The following DCAF15 variants were observed in gnomAD, a reference collection of about 807,000 sequenced individuals.
DCAF15 encodes DDB1- and CUL4-associated factor 15.
A neutral mutation model predicts 68.0 loss-of-function variants in DCAF15; 24 were observed. That is an observed-to-expected ratio of 0.35 (90% CI 0.26 to 0.50). The LOEUF (loss-of-function observed/expected upper bound fraction) is 0.50. DCAF15 is among the 20% of genes least tolerant of loss of function. The pLI is 0.98. For synonymous variants in DCAF15, 376 were observed against 341.6 expected (o/e 1.10, Z -1.11); for missense variants, 627 against 830.6 (o/e 0.75, Z 3.01).
chr19:13,953,019 C>G (rs1973148820), intron 1 of DCAF15: 2 of 1,338,374 alleles, frequency 1.5e-6, no homozygotes, highest in Non-Finnish European at 2.1e-6. Context: ...ACCTTCCCGC[C>G]CCCTTTGCAG....
At chr19:13,958,984 G>A in intron 6 of DCAF15, 61 bp from the exon 7 acceptor site, 1 of 1,523,824 alleles carries the variant, frequency 6.6e-7, no homozygotes, top group Non-Finnish European at 8.8e-7. Context: ...AACCCCTGGG[G>A]ACACTGAGCG....
intron 3 of DCAF15, among the ~76,000 whole-genome samples, chr19:13,955,016 G>A (rs1471257903): frequency 6.6e-6 from 1 of 152,202 alleles, no homozygotes; most frequent in Non-Finnish European, 1.5e-5. Flanking sequence ...TGAGGCAGGA[G>A]GATCACCTGA....
At chr19:13,958,888 A>G (rs1435921368) in intron 6 of DCAF15, among the ~76,000 whole-genome samples, 157 bp from the exon 7 acceptor site, 3 of 152,144 alleles carry the variant, frequency 2.0e-5, no homozygotes, top group African/African-American at 7.2e-5. Flanking sequence ...GCATGCGCAG[A>G]AAGGTCTTTC....
At chr19:13,958,955 C>G (rs1973473661) in intron 6 of DCAF15, 90 bp from the exon 7 acceptor site, 1 of 1,476,734 alleles carries the variant, frequency 6.8e-7, no homozygotes, top group African/African-American at 1.4e-5. Flanking sequence ...GAAGTGTCTC[C>G]TTAAGGTGGG....
In DCAF15 at chr19:13,956,012, G is replaced by A; in HGVS notation, c.467G>A (p.Gly156Asp). Residue 156 changes from glycine (G) to aspartate (D), a missense_variant, in exon 4 of 13, where the codon GGC becomes GAC. Physicochemically the swap from Gly to Asp is moderately conservative, Grantham distance 94 (BLOSUM62 -1). This residue lies in a region of DCAF15 where 273 missense variants were observed against 393.7 expected (regional missense o/e 0.69). Coordinates refer to ENST00000254337, the MANE Select transcript of DCAF15 (RefSeq NM_138353.4). ...PSDASKVIVF[G>D]FNTRSANGML... ...GACGCCTCCAAGGTCATCGTCTTCG[G>A]CTTCAAGTGAGACCAGGCGCCTGGG... 1 of 1,613,722 alleles carries A rather than the reference G, an allele frequency of 6.2e-7. No individual in the cohort carries two copies. The highest frequency in any genetic ancestry group is 8.5e-7 in the Non-Finnish European group (1 of 1,180,008).
At chr19:13,955,858 G>A (rs941809282) in intron 3 of DCAF15, 54 bp from the exon 4 acceptor site, 68 of 1,587,162 alleles carry the variant, frequency 4.3e-5, no homozygotes, top group African/African-American at 2.4e-4. Context: ...GTACAGCTTC[G>A]GGGGACCTCC....
intron 1 of DCAF15, among the ~76,000 whole-genome samples, chr19:13,954,134 G>C (rs1027869891): frequency 2.6e-5 from 4 of 152,222 alleles, no homozygotes; most frequent in Admixed American, 6.5e-5. Flanking sequence ...CCCTGGTGGA[G>C]ATGAAGGCTC....
rs1038513597 is a variant in DCAF15 at position 13,961,348 on chromosome 19, CCCCTG to C, written c.*362_*366del. The stretch of plus-strand genomic sequence containing the variant: ...CGGGGAGGTCGAATGGACCCCATTC[CCCCTG>C]CCCTGCCCGCCCCCAGCCTCCCCAC... On this transcript the variant is annotated 3_prime_UTR_variant, in exon 13 of 13. Transcript: ENST00000254337. 1 of 320,562 alleles carries C rather than the reference CCCCTG, an allele frequency of 3.1e-6. No homozygotes were observed. Among genetic ancestry groups the C allele is most frequent in the African/African-American group, 2.1e-5 (1 of 47,622 alleles). 19.9% of individuals were successfully genotyped at this position (320,562 alleles called of 1,614,324 possible). A position where few individuals can be genotyped will look rare whatever the true frequency, so the allele number is the denominator to read the frequency against.
In DCAF15 at chr19:13,956,447, C is replaced by T. The variant is rs1181496436; in HGVS notation, c.709C>T (p.Leu237Phe). The change falls in exon 6 of 13, where the codon CTC becomes TTC. Residue 237 changes from leucine (L) to phenylalanine (F), a missense_variant. Transcript: ENST00000254337. Reference protein sequence around the residue: ...PFPTFQPAFQLKKDQVVLLNT... With the variant: ...PFPTFQPAFQFKKDQVVLLNT... ...CCCCACCTTCCAGCCCGCCTTCCAG[C>T]TCAAGAAGGACCAGGTGGTGCTGCT... 6.2e-7 allele frequency: 1 copy of T among 1,613,868 alleles called. No individual in the cohort carries two copies.
Position 13,952,557 on chromosome 19 carries a change from C to T in DCAF15, c.45C>T (p.Ser15=). The stretch of plus-strand genomic sequence containing the variant: ...CGGAGCGGAACAGCGGGGCTGGGAG[C>T]GGCGGCGGCGGCCCCGGGGGAGCCG... The part of the protein sequence containing the change: ...SKSERNSGAG[S]GGGGPGGAGG... Residue 15 remains serine (S), a synonymous_variant, in exon 1 of 13, where the codon AGC becomes AGT. Coordinates refer to ENST00000254337, the MANE Select transcript of DCAF15 (RefSeq NM_138353.4). 1 of 1,261,382 alleles carries T rather than the reference C, an allele frequency of 7.9e-7. No individual in the cohort carries two copies. The highest frequency in any genetic ancestry group is 1.0e-6 in the Non-Finnish European group (1 of 999,074). 78.1% of individuals were successfully genotyped at this position (1,261,382 alleles called of 1,614,324 possible).
chr19:13,960,206 AAAAGGCCCTC>A (rs1973557609), intron 10 of DCAF15, 71 bp from the exon 11 acceptor site: 1 of 1,570,150 alleles, frequency 6.4e-7, no homozygotes. Flanking sequence ...TTCCAAAGAC[AAAAGGCCCTC>A]AGGGTAGCCT....
intron 1 of DCAF15, chr19:13,953,080 C>T (rs767234352): frequency 6.4e-7 from 1 of 1,550,584 alleles, no homozygotes; most frequent in Non-Finnish European, 8.7e-7. Context: ...CCTCTCCCTG[C>T]CCAAGCCCCG....
rs1973605734 is a variant in DCAF15 at position 13,960,939 on chromosome 19, G to A, written c.1748-1G>A. On this transcript the variant is annotated splice_acceptor_variant, in intron 12 of 12. Transcript: ENST00000254337. LOFTEE classifies it high-confidence loss of function. ...TGCTTTGTCTCCACCTGTCCCTGTA[G>A]GGTGCTCCCTGAAGGTTCTGGCGGA... 1 of 1,614,010 alleles carries A rather than the reference G, an allele frequency of 6.2e-7. No homozygotes were observed. The highest frequency in any genetic ancestry group is 8.5e-7 in the Non-Finnish European group (1 of 1,180,030).
chr19:13,952,546 G>T lies in DCAF15; in HGVS notation c.34G>T (p.Gly12Trp). ...CAGCTCGAAATCGGAGCGGAACAGC[G>T]GGGCTGGGAGCGGCGGCGGCGGCCC... Reference protein sequence around the residue: ...APSSKSERNSGAGSGGGGPGG... With the variant: ...APSSKSERNSWAGSGGGGPGG... The change falls in exon 1 of 13, where the codon GGG becomes TGG. Residue 12 changes from glycine to tryptophan, a missense_variant. This residue lies in a region of DCAF15 where 273 missense variants were observed against 393.7 expected (regional missense o/e 0.69). Transcript: ENST00000254337. 7.9e-7 allele frequency: 1 copy of T among 1,261,990 alleles called. No homozygotes were observed. Among genetic ancestry groups the T allele is most frequent in the Non-Finnish European group, 1.0e-6 (1 of 998,302 alleles). 78.2% of individuals were successfully genotyped at this position (1,261,990 alleles called of 1,614,324 possible). A position where few individuals can be genotyped will look rare whatever the true frequency, so the allele number is the denominator to read the frequency against.
chr19:13,960,000 A>G lies in DCAF15; in HGVS notation c.1457A>G (p.Asn486Ser), dbSNP rs936844826. Residue 486 changes from asparagine to serine, a missense_variant, in exon 10 of 13, where the codon AAC becomes AGC. Coordinates refer to ENST00000254337, the MANE Select transcript of DCAF15 (RefSeq NM_138353.4). The stretch of plus-strand genomic sequence containing the variant: ...CACCCCCAGGTCTGCCCAGAAACCA[A>G]CCAGGTCCTCATCAACATTGGCCTG... Reference protein sequence around the residue: ...IVILEVCPETNQVLINIGLLL... With the variant: ...IVILEVCPETSQVLINIGLLL... 8 of 1,611,772 alleles carry G rather than the reference A, an allele frequency of 5.0e-6. No individual in the cohort carries two copies. The African/African-American group carries it at 9.5e-5, about 19-fold the overall frequency.
chr19:13,959,901 C>T lies in DCAF15; in HGVS notation c.1440+6C>T. On this transcript the variant is annotated splice_donor_region_variant and intron_variant, in intron 9 of 12. Transcript: ENST00000254337. Reference sequence around the variant, plus strand: ...ATGACATCGTCATTCTGGAGGTGGGCCCAGGGCGGGCAGGGTGGGCCCAGG... The same window carrying T: ...ATGACATCGTCATTCTGGAGGTGGGTCCAGGGCGGGCAGGGTGGGCCCAGG... 1 of 1,612,212 alleles carries T rather than the reference C, an allele frequency of 6.2e-7. No homozygotes were observed. Among genetic ancestry groups the T allele is most frequent in the East Asian group, 2.2e-5 (1 of 44,864 alleles).
At position 13,961,086 on chromosome 19, in the gene DCAF15, C is replaced by T; in HGVS notation, c.*91C>T. The T allele has an allele frequency of 2.0e-6, 3 of 1,493,276 alleles. No homozygotes were observed. The Admixed American group carries it at 5.2e-5, about 26-fold the overall frequency. 92.5% of individuals were successfully genotyped at this position (1,493,276 alleles called of 1,614,324 possible). A position where few individuals can be genotyped will look rare whatever the true frequency, so the allele number is the denominator to read the frequency against. On this transcript the variant is annotated 3_prime_UTR_variant, in exon 13 of 13. Coordinates refer to ENST00000254337, the MANE Select transcript of DCAF15 (RefSeq NM_138353.4). ...GGTGGCCTCTTCCTGGCCGGCTGGCCCACCGACTGATGACCGGCACTAGTG... is the reference window on the plus strand; with the variant it reads ...GGTGGCCTCTTCCTGGCCGGCTGGCTCACCGACTGATGACCGGCACTAGTG...
At position 13,959,274 on chromosome 19, in the gene DCAF15, C is replaced by T. The variant is rs767623361; in HGVS notation, c.1014C>T (p.Val338=). The T allele has an allele frequency of 5.0e-6, 8 of 1,611,204 alleles. No individual in the cohort carries two copies. The highest frequency in any genetic ancestry group is 6.8e-6 in the Non-Finnish European group (8 of 1,179,858). ...GGGCCAAAGAGGCCAAGGGCGGGGTCCCTGAGGAAGCCCGGCCTGCCCTGT... is the reference window on the plus strand; with the variant it reads ...GGGCCAAAGAGGCCAAGGGCGGGGTTCCTGAGGAAGCCCGGCCTGCCCTGT... The part of the protein sequence containing the change: ...FRRAKEAKGG[V]PEEARPALCP... Residue 338 remains valine, a synonymous_variant, in exon 7 of 13, where the codon GTC becomes GTT. Transcript: ENST00000254337.
chr19:13,953,155 C>G (rs2145481927), intron 1 of DCAF15: 1 of 1,543,038 alleles, frequency 6.5e-7, no homozygotes, highest in Non-Finnish European at 8.8e-7. Context: ...TGGGAGCTCC[C>G]TGGATAGGGC....
Sources: gnomAD v4.1 joint callset for allele counts (sites outside exome capture counted in the v4.1 genomes callset) on GRCh38, gnomAD v4.1.1 for gene constraint, gnomAD v4.1.1 regional missense constraint, MANE v1.5 for transcripts, NCBI Gene and HGNC (gene_info 2026-07-23, HGNC 2026-07-21) for gene names.